ATRNL1: variants seen among roughly 807,000 people sequenced by gnomAD.
ATRNL1 encodes attractin like 1.
A neutral mutation model predicts 182.7 loss-of-function variants in ATRNL1; 95 were observed. That is an observed-to-expected ratio of 0.52 (90% CI 0.44 to 0.62). The LOEUF (loss-of-function observed/expected upper bound fraction) is 0.62, where lower values mean the gene tolerates loss of function less well. Ranked by LOEUF, ATRNL1 falls within the 20% of genes least tolerant of loss-of-function variation. ATRNL1 has a pLI of 0.00. For missense variants in ATRNL1, 1,471 were observed against 1,679.5 expected (o/e 0.88, Z 2.17); for synonymous variants, 576 against 568.3 (o/e 1.01, Z -0.19).
At chr10:115,226,256 C>T (rs1849689911) in intron 9 of ATRNL1, among the ~76,000 whole-genome samples, 1 of 151,840 alleles carries the variant, frequency 6.6e-6, no homozygotes, top group Admixed American at 6.6e-5. Flanking sequence ...AAACAAAGAT[C>T]TGTTTCAGAT....
At chr10:115,426,337 G>T in intron 21 of ATRNL1, 35 bp downstream of exon 21, 4 of 1,456,826 alleles carry the variant, frequency 2.7e-6, no homozygotes, top group Non-Finnish European at 3.8e-6. Context: ...TTAAATAATT[G>T]GTGCATACTA....
intron 27 of ATRNL1, among the ~76,000 whole-genome samples, chr10:115,773,405 G>C (rs1395283461): frequency 6.6e-6 from 1 of 152,064 alleles, no homozygotes; most frequent in Non-Finnish European, 1.5e-5. Context: ...GGAAGTTCAG[G>C]CCTCAGGAAA....
intron 27 of ATRNL1, among the ~76,000 whole-genome samples, chr10:115,732,246 T>C (rs1555063177): frequency 6.6e-6 from 1 of 152,322 alleles, no homozygotes; most frequent in East Asian, 1.9e-4. Context: ...TCTTTCTCCA[T>C]TGAATAGTCT....
rs144515513 is a variant in ATRNL1 at position 115,682,669 on chromosome 10, T to TATGATGATGATGATGATG, written c.3796-44564_3796-44547dup. ...TAGTAAACACTCAATAGATAATACA[T>TATGATGATGATGATGATG]ATGATGATGATGATGATGATGATGA... On this transcript the variant is annotated intron_variant, in intron 26 of 28. Transcript: ENST00000355044. Among the ~76,000 whole-genome samples, 5 of 150,074 alleles carry TATGATGATGATGATGATG rather than the reference T, an allele frequency of 3.3e-5. No individual in the cohort carries two copies. The South Asian group carries it at 6.3e-4, about 19-fold the overall frequency.
At chr10:115,214,868 G>A (rs1228755869) in intron 8 of ATRNL1, among the ~76,000 whole-genome samples, 4 of 152,012 alleles carry the variant, frequency 2.6e-5, no homozygotes, top group South Asian at 2.1e-4. Flanking sequence ...TTTTAATATC[G>A]GAAATTAGTT....
At chr10:115,565,004 C>T (rs1386418724) in intron 26 of ATRNL1, among the ~76,000 whole-genome samples, 1 of 151,926 alleles carries the variant, frequency 6.6e-6, no homozygotes, top group Non-Finnish European at 1.5e-5. Context: ...ATTTTGAACA[C>T]TTTATATCTT....
At chr10:115,251,835 A>G (rs968253563) in intron 10 of ATRNL1, among the ~76,000 whole-genome samples, 4 of 152,208 alleles carry the variant, frequency 2.6e-5, no homozygotes, top group African/African-American at 9.6e-5. Context: ...GCAAGTGAAC[A>G]TCACCTCTTG....
intron 21 of ATRNL1, among the ~76,000 whole-genome samples, chr10:115,455,913 T>C (rs1847502063): frequency 6.6e-6 from 1 of 152,064 alleles, no homozygotes; most frequent in African/African-American, 2.4e-5. Flanking sequence ...ATTAGAGAAA[T>C]GCAAATCAAA....
intron 8 of ATRNL1, among the ~76,000 whole-genome samples, chr10:115,172,355 C>G (rs1309921827): frequency 6.6e-6 from 1 of 150,898 alleles, no homozygotes; most frequent in Non-Finnish European, 1.5e-5. Flanking sequence ...TGCACTCATC[C>G]TTTGCTCTCA....
intron 19 of ATRNL1, among the ~76,000 whole-genome samples, chr10:115,336,981 G>C (rs1045364533): frequency 2.8e-4 from 40 of 145,034 alleles, no homozygotes; most frequent in African/African-American, 8.1e-4. Flanking sequence ...AAGTAGCTGG[G>C]GGGGGGGGAC....
At chr10:115,315,421 T>C in intron 17 of ATRNL1, 97 bp from the exon 18 acceptor site, 1 of 888,514 alleles carries the variant, frequency 1.1e-6, no homozygotes, top group Non-Finnish European at 1.7e-6. Flanking sequence ...TGACCTTTCA[T>C]GGTTTTTATC....
chr10:115,234,019 C>G (rs1237332256), intron 9 of ATRNL1, among the ~76,000 whole-genome samples: 1 of 151,492 alleles, frequency 6.6e-6, no homozygotes, highest in Non-Finnish European at 1.5e-5. Flanking sequence ...TTTTAATACT[C>G]TAGAACATTT....
chr10:115,093,655 G>T lies in ATRNL1; in HGVS notation c.-96G>T. ...GGCGCCGGTGAGGAGGAGGAGAAGC[G>T]GCGGCGGAGAGGTTTTCTGCGGCCG... On this transcript the variant is annotated 5_prime_UTR_variant, in exon 1 of 29. Transcript: ENST00000355044. This position sits in a 1 kb window ranked among gnomAD's most constrained non-coding sequence, Gnocchi z 6.1. 1 of 1,325,774 alleles carries T rather than the reference G, an allele frequency of 7.5e-7. No homozygotes were observed. The highest frequency in any genetic ancestry group is 1.0e-6 in the Non-Finnish European group (1 of 970,586). The allele number at this position is 1,325,774 out of a possible 1,614,324, so 82.1% of individuals were successfully genotyped here. A position where few individuals can be genotyped will look rare whatever the true frequency, so the allele number is the denominator to read the frequency against.
chr10:115,259,001 A>T (rs1485074341), intron 10 of ATRNL1, among the ~76,000 whole-genome samples: 1 of 152,142 alleles, frequency 6.6e-6, no homozygotes, highest in Non-Finnish European at 1.5e-5. Context: ...CTTCATCCCA[A>T]CGGGGCAGCC....
intron 18 of ATRNL1, among the ~76,000 whole-genome samples, chr10:115,332,272 A>C (rs183755452): frequency 6.6e-6 from 1 of 152,306 alleles, no homozygotes; most frequent in East Asian, 1.9e-4. Flanking sequence ...CTTACCATCC[A>C]ACCATACTTT....
At chr10:115,319,049 G>A (rs1765817950) in intron 18 of ATRNL1, among the ~76,000 whole-genome samples, 2 of 151,938 alleles carry the variant, frequency 1.3e-5, no homozygotes, top group Admixed American at 6.6e-5. Flanking sequence ...ATTTTTCTCT[G>A]AACACTCCTT....
chr10:115,347,060 C>A lies in ATRNL1; in HGVS notation c.3175+12641C>A, dbSNP rs146347301. ...TGGTAAGTTTTACTATTCTAACAGG[C>A]AGAGTGCTTTTAGGAATATGTTCCC... On this transcript the variant is annotated intron_variant, in intron 19 of 28. Coordinates refer to ENST00000355044, the MANE Select transcript of ATRNL1 (RefSeq NM_207303.4). Among the ~76,000 whole-genome samples, 1,066 of 152,158 alleles carry A rather than the reference C, an allele frequency of 7.0e-3. 13 individuals carry two copies. The highest frequency in any genetic ancestry group is 0.011 in the South Asian group (53 of 4,826).
intron 26 of ATRNL1, among the ~76,000 whole-genome samples, chr10:115,713,868 C>T (rs1947165595): frequency 6.6e-6 from 1 of 152,160 alleles, no homozygotes; most frequent in African/African-American, 2.4e-5. Context: ...GTTTGGGACT[C>T]ACTCCTCATA....
chr10:115,570,620 C>G (rs1369433304), intron 26 of ATRNL1, among the ~76,000 whole-genome samples: 1 of 152,138 alleles, frequency 6.6e-6, no homozygotes, highest in Non-Finnish European at 1.5e-5. Flanking sequence ...GATTTTCATG[C>G]CCATCTGTAC....
Sources: allele counts gnomAD v4.1 joint callset (sites outside exome capture counted in the v4.1 genomes callset), GRCh38; gene constraint gnomAD v4.1.1; non-coding constraint Gnocchi (gnomAD v3.1); transcripts MANE v1.5; gene names NCBI Gene and HGNC (gene_info 2026-07-23, HGNC 2026-07-21).